ACSM1: variants seen among roughly 807,000 people sequenced by gnomAD.
ACSM1 encodes acyl-CoA synthetase medium chain family member 1, also known as acyl-coenzyme A synthetase ACSM1, mitochondrial.
Under a neutral mutation model 75.8 loss-of-function variants are expected in ACSM1, and 79 were observed. That is an observed-to-expected ratio of 1.04 (90% confidence interval 0.87 to 1.26). The LOEUF (loss-of-function observed/expected upper bound fraction) is 1.26, where lower values mean the gene tolerates loss of function less well. ACSM1 is among the 50% of genes most tolerant of loss of function. The probability of loss-of-function intolerance (pLI) is 0.00; values close to 1 mark genes in which losing one functional copy is unlikely to be tolerated. For missense variants in ACSM1, 676 were observed against 720.1 expected (o/e 0.94, Z 0.70); for synonymous variants, 279 against 265.8 (o/e 1.05, Z -0.48).
intron 4 of ACSM1, among the ~76,000 whole-genome samples, chr16:20,675,311 T>C (rs163257): frequency 0.35 from 53,206 of 151,444 alleles, 10,011 homozygotes; most frequent in East Asian, 0.65. Flanking sequence ...ATGCGGGGAG[T>C]AATGTGGGGA....
At chr16:20,629,629 G>A (rs1483444476) in intron 10 of ACSM1, among the ~76,000 whole-genome samples, 1 of 152,180 alleles carries the variant, frequency 6.6e-6, no homozygotes, top group African/African-American at 2.4e-5. Context: ...CCAAAGGAAG[G>A]AATTGGCTAA....
chr16:20,647,016 A>G (rs1012654494), intron 7 of ACSM1, among the ~76,000 whole-genome samples: 6 of 152,246 alleles, frequency 3.9e-5, no homozygotes, highest in Admixed American at 6.5e-5. Context: ...CACAGCATAT[A>G]GTGGACCCAA....
chr16:20,637,330 T>G, intron 9 of ACSM1, 41 bp downstream of exon 9: 17 of 1,557,958 alleles, frequency 1.1e-5, no homozygotes, highest in Non-Finnish European at 1.3e-5. Context: ...CAACCCCCGC[T>G]GAGCCCTAAC....
At chr16:20,697,020 C>T (rs1373473006) in intron 1 of ACSM1, among the ~76,000 whole-genome samples, 1 of 152,156 alleles carries the variant, frequency 6.6e-6, no homozygotes, top group Non-Finnish European at 1.5e-5. Flanking sequence ...ACGGTAAGGA[C>T]TCAATAAATG....
chr16:20,626,702 T>C (rs2016943155), intron 11 of ACSM1, among the ~76,000 whole-genome samples: 1 of 151,726 alleles, frequency 6.6e-6, no homozygotes, highest in Non-Finnish European at 1.5e-5. Flanking sequence ...TTACAGTAAA[T>C]AATATATTTA....
intron 2 of ACSM1, among the ~76,000 whole-genome samples, chr16:20,686,523 G>A (rs966509719): frequency 5.9e-5 from 9 of 152,132 alleles, no homozygotes; most frequent in Admixed American, 2.6e-4. Flanking sequence ...TAATGCATGC[G>A]GGGTTTAAAA....
chr16:20,694,667 G>C (rs1054149184), intron 1 of ACSM1, among the ~76,000 whole-genome samples: 3 of 152,176 alleles, frequency 2.0e-5, no homozygotes, highest in Non-Finnish European at 2.9e-5. Flanking sequence ...AAAAGGGAGA[G>C]ATATAGTGAG....
chr16:20,662,030 T>C (rs117587770), intron 6 of ACSM1, among the ~76,000 whole-genome samples, 157 bp from the exon 7 acceptor site: 2 of 152,318 alleles, frequency 1.3e-5, no homozygotes, highest in Non-Finnish European at 2.9e-5. Context: ...ATTTCATACA[T>C]GGTATGCATC....
intron 7 of ACSM1, among the ~76,000 whole-genome samples, chr16:20,651,092 A>G (rs945041669): frequency 1.3e-5 from 2 of 152,176 alleles, no homozygotes; most frequent in Non-Finnish European, 2.9e-5. Context: ...AGTTGAATTA[A>G]TTTCCCTCTA....
intron 7 of ACSM1, among the ~76,000 whole-genome samples, chr16:20,643,047 C>T (rs2018152817): frequency 6.6e-6 from 1 of 152,196 alleles, no homozygotes; most frequent in South Asian, 2.1e-4. Context: ...CAGGGTCAAC[C>T]AACTTGTTGT....
chr16:20,624,653 C>T (rs1477830667), intron 12 of ACSM1, among the ~76,000 whole-genome samples: 1 of 152,092 alleles, frequency 6.6e-6, no homozygotes, highest in African/African-American at 2.4e-5. Context: ...CAATGTTATC[C>T]AAGTTTTATT....
chr16:20,661,057 A>G (rs934115316), intron 7 of ACSM1, among the ~76,000 whole-genome samples: 3 of 152,176 alleles, frequency 2.0e-5, no homozygotes, highest in Non-Finnish European at 4.4e-5. Flanking sequence ...CCTCTCCTTG[A>G]AAAACTCTAC....
intron 10 of ACSM1, among the ~76,000 whole-genome samples, chr16:20,631,111 C>A (rs184666579): frequency 6.9e-4 from 105 of 152,290 alleles, no homozygotes; most frequent in African/African-American, 2.5e-3. Context: ...GGGTTATAAA[C>A]AATAGATATT....
intron 7 of ACSM1, among the ~76,000 whole-genome samples, chr16:20,660,934 A>G (rs1435537758): frequency 6.6e-6 from 1 of 152,184 alleles, no homozygotes; most frequent in Non-Finnish European, 1.5e-5. Flanking sequence ...ACAATACCAA[A>G]TGTTGGCAGG....
At position 20,695,002 on chromosome 16, in the gene ACSM1, A is replaced by T. The variant is rs145388870; in HGVS notation, c.-52+2634T>A. Among the ~76,000 whole-genome samples, 641 of 152,288 alleles carry T rather than the reference A, an allele frequency of 4.2e-3. 4 individuals carry two copies. Among genetic ancestry groups the T allele is most frequent in the Non-Finnish European group, 7.2e-3 (489 of 68,016 alleles). Reference sequence around the variant, plus strand: ...GAGAAAATCAATTTCTGTTGTTTAAACCACTCAGTCATTAGTAATTTTCAT... The same window carrying T: ...GAGAAAATCAATTTCTGTTGTTTAATCCACTCAGTCATTAGTAATTTTCAT... On this transcript the variant is annotated intron_variant, in intron 1 of 13. Coordinates refer to ENST00000520010, the MANE Select transcript of ACSM1 (RefSeq NM_001318890.3).
chr16:20,649,654 C>A (rs2018542220), intron 7 of ACSM1, among the ~76,000 whole-genome samples: 1 of 152,228 alleles, frequency 6.6e-6, no homozygotes, highest in African/African-American at 2.4e-5. Context: ...GATCCCAGGT[C>A]TTCAGATAAA....
intron 7 of ACSM1, among the ~76,000 whole-genome samples, chr16:20,657,862 G>A (rs2019069747): frequency 6.6e-6 from 1 of 151,628 alleles, no homozygotes; most frequent in Non-Finnish European, 1.5e-5. Flanking sequence ...GCAGTGTTTG[G>A]TTTTTTGTCC....
intron 4 of ACSM1, chr16:20,679,234 G>A (rs946834318): frequency 5.9e-5 from 9 of 152,194 alleles, no homozygotes; most frequent in African/African-American, 2.2e-4. Flanking sequence ...ATGACCAGTG[G>A]ATTAACCAAC....
intron 6 of ACSM1, among the ~76,000 whole-genome samples, chr16:20,665,603 T>C (rs182588480): frequency 1.3e-5 from 2 of 149,258 alleles, no homozygotes; most frequent in Admixed American, 1.3e-4. Flanking sequence ...TCCAAAAGAT[T>C]AAGGAGAAGG....
Sources: allele counts gnomAD v4.1 joint callset (sites outside exome capture counted in the v4.1 genomes callset), GRCh38; gene constraint gnomAD v4.1.1; transcripts MANE v1.5; gene names NCBI Gene and HGNC (gene_info 2026-07-23, HGNC 2026-07-21).